The following APPL2 variants were observed in gnomAD, a reference collection of about 807,000 sequenced individuals.
The protein encoded by APPL2 is DCC-interacting protein 13-beta.
A neutral mutation model predicts 92.7 loss-of-function variants in APPL2; 84 were observed. That is an observed-to-expected ratio of 0.91 (90% confidence interval 0.76 to 1.09). The LOEUF (loss-of-function observed/expected upper bound fraction) is 1.09, where lower values mean the gene tolerates loss of function less well. APPL2 is among the 50% of genes least tolerant of loss of function. The pLI is 0.00. For synonymous variants in APPL2, 291 were observed against 291.0 expected (o/e 1.00, Z 0.00); for missense variants, 736 against 824.5 (o/e 0.89, Z 1.31).
intron 20 of APPL2, among the ~76,000 whole-genome samples, chr12:105,174,777 G>C (rs1378583649): frequency 3.3e-5 from 5 of 151,240 alleles, no homozygotes; most frequent in African/African-American, 1.2e-4. Flanking sequence ...ACCAGAAGTT[G>C]GCAAACTATG....
rs946929458 is a variant in APPL2 at position 105,211,243 on chromosome 12, T to G, written c.360A>C (p.Glu120Asp). 2 of 1,613,108 alleles carry G rather than the reference T, an allele frequency of 1.2e-6. No homozygotes were observed. The highest frequency in any genetic ancestry group is 1.7e-6 in the Non-Finnish European group (2 of 1,179,182). The part of the protein sequence containing the change: ...TMVLPIIQFR[E>D]KDLTEVSTLK... ...CAGTTACTTTACCTGTGAGATCCTT[T>G]TCTCGGAATTGTATGATAGGTAGAA... is the stretch of plus-strand genomic sequence containing the variant. The change falls in exon 5 of 21, where the codon GAA (glutamate) becomes GAC (aspartate). Residue 120 changes from glutamate (E) to aspartate (D), a missense_variant. Glu to Asp is a conservative substitution (Grantham distance 45, BLOSUM62 2). Transcript: ENST00000258530.
At chr12:105,211,347 A>G (rs1889200643) in intron 4 of APPL2, 30 bp from the exon 5 acceptor site, 2 of 1,406,192 alleles carry the variant, frequency 1.4e-6, no homozygotes, top group Admixed American at 3.4e-5. Context: ...ATTCAAGTAA[A>G]TTAAATACAT....
chr12:105,233,190 T>C, intron 1 of APPL2: 1 of 985,454 alleles, frequency 1.0e-6, no homozygotes. Context: ...CTGGAACTGT[T>C]GCCTCATTAT....
At chr12:105,219,922 T>A (rs865972773) in intron 2 of APPL2, among the ~76,000 whole-genome samples, 1 of 152,256 alleles carries the variant, frequency 6.6e-6, no homozygotes, top group Non-Finnish European at 1.5e-5. Flanking sequence ...CACAGAATCA[T>A]TGTAACAGCA....
At chr12:105,215,204 T>C (rs747492576) in intron 4 of APPL2, among the ~76,000 whole-genome samples, 12 of 152,156 alleles carry the variant, frequency 7.9e-5, no homozygotes, top group Non-Finnish European at 1.5e-4. Context: ...AGACTTGCAA[T>C]TGGCATCTGA....
At chr12:105,213,658 C>T (rs1334600039) in intron 4 of APPL2, among the ~76,000 whole-genome samples, 1 of 152,228 alleles carries the variant, frequency 6.6e-6, no homozygotes, top group Non-Finnish European at 1.5e-5. Context: ...GTGTAAGCCA[C>T]ATAAATTTCT....
chr12:105,234,102 C>G (rs1566107334), intron 1 of APPL2, among the ~76,000 whole-genome samples: 1 of 152,106 alleles, frequency 6.6e-6, no homozygotes, highest in Non-Finnish European at 1.5e-5. Flanking sequence ...CCATCAAGAG[C>G]CCTCTTAAGG....
At chr12:105,230,031 T>C (rs1890809484) in intron 1 of APPL2, among the ~76,000 whole-genome samples, 1 of 152,100 alleles carries the variant, frequency 6.6e-6, no homozygotes, top group African/African-American at 2.4e-5. Flanking sequence ...CCACCCACCA[T>C]GGCCTCCCAA....
intron 9 of APPL2, chr12:105,203,465 G>GT (rs1888401740): frequency 2.0e-6 from 1 of 487,862 alleles, no homozygotes; most frequent in African/African-American, 2.0e-5. Context: ...TCCCAGGCTT[G>GT]TGACATGTGA....
In APPL2 at chr12:105,218,852, C is replaced by T. The variant is rs560722259; in HGVS notation, c.154-1127G>A. 1.1e-4 allele frequency among the ~76,000 whole-genome samples: 16 copies of T among 150,764 alleles called. No homozygotes were observed. In the South Asian group the frequency reaches 3.3e-3, roughly 31 times the overall value. ...AGGAAACACTGCTCTTCAAGAGCTGCGATGCCCTGGGAGGCCTGTTTTGTG... is the reference window on the plus strand; with the variant it reads ...AGGAAACACTGCTCTTCAAGAGCTGTGATGCCCTGGGAGGCCTGTTTTGTG... On this transcript the variant is annotated intron_variant, in intron 2 of 20. Coordinates refer to ENST00000258530, the MANE Select transcript of APPL2 (RefSeq NM_018171.5).
At chr12:105,227,010 A>C (rs554640796) in intron 2 of APPL2, among the ~76,000 whole-genome samples, 1 of 152,072 alleles carries the variant, frequency 6.6e-6, no homozygotes, top group East Asian at 1.9e-4. Context: ...AGTCCTAGCT[A>C]CTTAGGAGGC....
chr12:105,229,444 C>T (rs968056543), intron 1 of APPL2, among the ~76,000 whole-genome samples: 2 of 152,130 alleles, frequency 1.3e-5, no homozygotes, highest in East Asian at 1.9e-4. Flanking sequence ...AGTGTCAGGG[C>T]AATTTCAGAA....
At position 105,197,161 on chromosome 12, in the gene APPL2, G is replaced by A. The variant is rs934440406; in HGVS notation, c.1052+604C>T. Among the ~76,000 whole-genome samples, 6 of 152,254 alleles carry A rather than the reference G, an allele frequency of 3.9e-5. No homozygotes were observed. In the South Asian group the frequency reaches 1.2e-3, roughly 32 times the overall value. ...ATGGGACCCTGAACTCCTTGGAGCA[G>A]TTTAAAAACCACCACTCTGAGAGGG... On this transcript the variant is annotated intron_variant, in intron 11 of 20. Coordinates refer to ENST00000258530, the MANE Select transcript of APPL2 (RefSeq NM_018171.5).
At chr12:105,230,919 T>TTTGTACAGTGTA (rs1284502882) in intron 1 of APPL2, among the ~76,000 whole-genome samples, 3 of 152,324 alleles carry the variant, frequency 2.0e-5, no homozygotes, top group Admixed American at 2.0e-4. Context: ...CAACACAGAA[T>TTTGTACAGTGTA]TTGTACAGTG....
In APPL2 at chr12:105,207,122, G is replaced by A. The variant is rs140436242; in HGVS notation, c.560C>T (p.Ala187Val). ...GGCCATTTGCTTTCTGTACTGCAGC[G>A]CGTTGAGGGCACAGTAGTACTGAAG... is the stretch of plus-strand genomic sequence containing the variant. ...SSLQYYCALN[A>V]LQYRKQMAMM... The change falls in exon 8 of 21, where the codon GCG (alanine) becomes GTG (valine). Residue 187 changes from alanine (A) to valine (V), a missense_variant. Physicochemically the swap from Ala to Val is moderately conservative, Grantham distance 64 (BLOSUM62 0). Coordinates refer to ENST00000258530, the MANE Select transcript of APPL2 (RefSeq NM_018171.5). 1.7e-3 allele frequency: 2,769 copies of A among 1,614,162 alleles called. 3 individuals are homozygous for A. The highest frequency in any genetic ancestry group is 4.3e-3 in the East Asian group (191 of 44,870).
chr12:105,228,953 C>G (rs1412331982), intron 2 of APPL2, among the ~76,000 whole-genome samples, 172 bp downstream of exon 2: 3 of 152,180 alleles, frequency 2.0e-5, no homozygotes, highest in Non-Finnish European at 4.4e-5. Context: ...GCAATGAGAA[C>G]AGACTGTCCT....
rs1885244271 is a variant in APPL2, at chr12:105,174,141, A to C, written c.*173T>G. ...ATTGTAGATGGGTGGGAACGCTGTC[A>C]ACCATTTCTTAGTTTCCCTCCCAAG... On this transcript the variant is annotated 3_prime_UTR_variant, in exon 21 of 21. Coordinates refer to ENST00000258530, the MANE Select transcript of APPL2 (RefSeq NM_018171.5). The C allele has an allele frequency of 1.1e-5, 8 of 749,006 alleles. No homozygotes were observed. The highest frequency in any genetic ancestry group is 1.6e-5 in the Non-Finnish European group (8 of 491,956). 46.4% of individuals were successfully genotyped at this position (749,006 alleles called of 1,614,324 possible). A position where few individuals can be genotyped will look rare whatever the true frequency, so the allele number is the denominator to read the frequency against.
chr12:105,192,500 G>T (rs1257441104), intron 14 of APPL2, among the ~76,000 whole-genome samples: 1 of 117,452 alleles, frequency 8.5e-6, no homozygotes, highest in African/African-American at 3.3e-5. Flanking sequence ...GATCTCCACT[G>T]TCCCGTTACA....
intron 4 of APPL2, among the ~76,000 whole-genome samples, chr12:105,212,496 G>A (rs923713147): frequency 2.6e-5 from 4 of 152,192 alleles, no homozygotes. Context: ...CAGCATAGCT[G>A]GGCTTTTAAT....
Sources: allele counts gnomAD v4.1 joint callset (sites outside exome capture counted in the v4.1 genomes callset), GRCh38; gene constraint gnomAD v4.1.1; transcripts MANE v1.5; gene names NCBI Gene and HGNC (gene_info 2026-07-23, HGNC 2026-07-21).